Variants in ATRNL1 observed in about 807,000 individuals in gnomAD.
ATRNL1 encodes attractin-like protein 1.
In ATRNL1, 95 loss-of-function variants were observed where a neutral mutation model predicts 182.7. That is an observed-to-expected ratio of 0.52 (90% CI 0.44 to 0.62). The LOEUF is 0.62. ATRNL1 is among the 20% of genes least tolerant of loss of function. The pLI is 0.00. For synonymous variants in ATRNL1, 576 were observed against 568.3 expected (o/e 1.01, Z -0.19); for missense variants, 1,471 against 1,679.5 (o/e 0.88, Z 2.17).
intron 24 of ATRNL1, among the ~76,000 whole-genome samples, chr10:115,493,512 C>T (rs1849408293): frequency 1.3e-5 from 2 of 152,124 alleles, no homozygotes; most frequent in South Asian, 2.1e-4. Context: ...ATCCAGCCCA[C>T]CACTGATGAC....
intron 5 of ATRNL1, among the ~76,000 whole-genome samples, chr10:115,153,861 T>G (rs1846368699): frequency 6.6e-6 from 1 of 152,176 alleles, no homozygotes; most frequent in Non-Finnish European, 1.5e-5. Flanking sequence ...CATTTAGTGC[T>G]ATAAATTTCC....
At chr10:115,242,150 G>A (rs1482881447) in intron 10 of ATRNL1, among the ~76,000 whole-genome samples, 3 of 151,802 alleles carry the variant, frequency 2.0e-5, no homozygotes, top group East Asian at 1.9e-4. Context: ...AAACATTTCC[G>A]ATATACTTAC....
At chr10:115,685,984 C>A (rs1273463278) in intron 26 of ATRNL1, among the ~76,000 whole-genome samples, 1 of 151,314 alleles carries the variant, frequency 6.6e-6, no homozygotes, top group Non-Finnish European at 1.5e-5. Flanking sequence ...AATTTTTGTT[C>A]ACTTTTGAGT....
chr10:115,667,458 A>T (rs1341688697), intron 26 of ATRNL1, among the ~76,000 whole-genome samples: 1 of 152,108 alleles, frequency 6.6e-6, no homozygotes, highest in Admixed American at 6.6e-5. Context: ...CTTAAGTCAG[A>T]ACCTGTCTGG....
chr10:115,094,106 G>T (rs1010912458), intron 1 of ATRNL1, 63 bp downstream of exon 1: 107 of 1,294,750 alleles, frequency 8.3e-5, no homozygotes, highest in Non-Finnish European at 1.0e-4. Flanking sequence ...GGCCTTCCCC[G>T]CCCCCCTCGC....
chr10:115,578,844 G>T (rs1854889947), intron 26 of ATRNL1, among the ~76,000 whole-genome samples: 1 of 151,540 alleles, frequency 6.6e-6, no homozygotes, highest in Non-Finnish European at 1.5e-5. Flanking sequence ...CTGTTTTAAT[G>T]TAGACATTTT....
chr10:115,896,387 A>T (rs1192596814), intron 28 of ATRNL1, among the ~76,000 whole-genome samples: 1 of 152,074 alleles, frequency 6.6e-6, no homozygotes, highest in African/African-American at 2.4e-5. Context: ...AAAAAACTGA[A>T]TTTTTTCCGA....
rs116317811 is a variant in ATRNL1, at chr10:115,815,157, A to G, written c.3904-32720A>G. 1.0e-2 allele frequency among the ~76,000 whole-genome samples: 1,516 copies of G among 152,264 alleles called. 30 individuals are homozygous for G. The highest frequency in any genetic ancestry group is 0.035 in the African/African-American group (1,437 of 41,558). On this transcript the variant is annotated intron_variant, in intron 27 of 28. Transcript: ENST00000355044. ...AGTATGAAATGCATAGTTTATTTCT[A>G]TACTTATTTCAGGCTTAACTTATTC...
At chr10:115,376,194 G>A (rs573193167) in intron 19 of ATRNL1, among the ~76,000 whole-genome samples, 25 of 152,048 alleles carry the variant, frequency 1.6e-4, no homozygotes, top group African/African-American at 5.3e-4. Context: ...TTTTTTTAAA[G>A]GGGGTAGGGA....
chr10:115,448,763 A>G (rs1565054519), intron 21 of ATRNL1, among the ~76,000 whole-genome samples: 17 of 152,156 alleles, frequency 1.1e-4, no homozygotes, highest in Admixed American at 7.9e-4. Context: ...GAAAATATTA[A>G]TAAGATATGT....
rs537452787 is a variant in ATRNL1, at chr10:115,366,056, C to A, written c.3176-28603C>A. On this transcript the variant is annotated intron_variant, in intron 19 of 28. Transcript: ENST00000355044. ...GGTCCACTTGGTGCAGAGCTGAGTT[C>A]AATTCCTGGGTATCCTTGTTGACTT... Among the ~76,000 whole-genome samples, 361 of 151,972 alleles carry A rather than the reference C, an allele frequency of 2.4e-3. 5 individuals are homozygous for A. The highest frequency in any genetic ancestry group is 0.018 in the Admixed American group (280 of 15,248).
At chr10:115,374,477 CTTCCTTCCTTCT>C (rs1312054087) in intron 19 of ATRNL1, among the ~76,000 whole-genome samples, 4 of 145,678 alleles carry the variant, frequency 2.7e-5, no homozygotes, top group East Asian at 2.0e-4. Context: ...TCCTTCCTTC[CTTCCTTCCTTCT>C]TTCCTTCCTT....
At position 115,452,094 on chromosome 10, in the gene ATRNL1, C is replaced by T. The variant is rs371822415; in HGVS notation, c.3323-9847C>T. On this transcript the variant is annotated intron_variant, in intron 21 of 28. Coordinates refer to ENST00000355044, the MANE Select transcript of ATRNL1 (RefSeq NM_207303.4). ...AACACAAAGAAGGATACAACAGACA[C>T]GGGGGTCTACTTGAGTGTGGAGAAT... is the stretch of plus-strand genomic sequence containing the variant. Among the ~76,000 whole-genome samples the T allele has an allele frequency of 1.4e-4, 22 of 152,108 alleles. No homozygotes were observed. In the East Asian group the frequency reaches 3.1e-3, roughly 21 times the overall value.
chr10:115,356,263 C>T (rs145272443), intron 19 of ATRNL1, among the ~76,000 whole-genome samples: 1 of 152,136 alleles, frequency 6.6e-6, no homozygotes, highest in Non-Finnish European at 1.5e-5. Context: ...TTCTCTCAAA[C>T]TAGGAACATT....
intron 28 of ATRNL1, among the ~76,000 whole-genome samples, chr10:115,879,128 C>T (rs1555107901): frequency 6.6e-6 from 1 of 151,892 alleles, no homozygotes; most frequent in Non-Finnish European, 1.5e-5. Context: ...TAGCAAGATC[C>T]TGTTTCTACT....
chr10:115,146,891 T>G (rs1414723872), intron 5 of ATRNL1, among the ~76,000 whole-genome samples: 1 of 152,076 alleles, frequency 6.6e-6, no homozygotes, highest in Non-Finnish European at 1.5e-5. Context: ...ACACTTAGGT[T>G]GATTCCGTAT....
In ATRNL1 at chr10:115,104,994, T is replaced by A. The variant is rs73376331; in HGVS notation, c.293+10951T>A. ...ATTTAAAGTCAGGTAATATGATGCT[T>A]CCAGTATTGCTCTTTTTGCTTAGAA... On this transcript the variant is annotated intron_variant, in intron 1 of 28. Coordinates refer to ENST00000355044, the MANE Select transcript of ATRNL1 (RefSeq NM_207303.4). 3.2e-3 allele frequency among the ~76,000 whole-genome samples: 486 copies of A among 152,282 alleles called. 2 individuals carry two copies. The highest frequency in any genetic ancestry group is 0.011 in the African/African-American group (450 of 41,546).
intron 16 of ATRNL1, 45 bp from the exon 17 acceptor site, chr10:115,301,810 C>A: frequency 6.7e-7 from 1 of 1,483,876 alleles, no homozygotes; most frequent in Non-Finnish European, 9.0e-7. Context: ...ATTGTGTTAA[C>A]ATGAAGTTAA....
intron 26 of ATRNL1, among the ~76,000 whole-genome samples, chr10:115,662,797 G>T (rs1253252622): frequency 3.3e-5 from 5 of 151,972 alleles, no homozygotes; most frequent in Non-Finnish European, 5.9e-5. Flanking sequence ...TATAAAAAAT[G>T]ATGCTCCAAA....
Sources: allele counts gnomAD v4.1 joint callset (sites outside exome capture counted in the v4.1 genomes callset), GRCh38; gene constraint gnomAD v4.1.1; transcripts MANE v1.5; gene names NCBI Gene and HGNC (gene_info 2026-07-23, HGNC 2026-07-21).